ADAMTS17: variants seen among roughly 807,000 people sequenced by gnomAD.
The protein encoded by ADAMTS17 is ADAM metallopeptidase with thrombospondin type 1 motif 17.
Under a neutral mutation model 141.5 loss-of-function variants are expected in ADAMTS17, and 113 were observed. That is an observed-to-expected ratio of 0.80 (90% CI 0.69 to 0.93). The LOEUF (loss-of-function observed/expected upper bound fraction) is 0.93. Among genes scored for constraint, ADAMTS17 ranks in the 40% least tolerant of loss-of-function variants. The probability of loss-of-function intolerance (pLI) is 0.00; values close to 1 mark genes in which losing one functional copy is unlikely to be tolerated. For synonymous variants in ADAMTS17, 768 were observed against 630.6 expected, an observed-to-expected ratio of 1.22 and a Z score of -3.27; for missense variants, 1,659 against 1,517.9, an observed-to-expected ratio of 1.09 and a Z score of -1.54.
intron 10 of ADAMTS17, among the ~76,000 whole-genome samples, chr15:100,143,343 G>A (rs1184677390): frequency 6.6e-6 from 1 of 152,216 alleles, no homozygotes; most frequent in East Asian, 1.9e-4. Context: ...GCTTGAAAGT[G>A]TTGTTAAATA....
At position 99,997,187 on chromosome 15, in the gene ADAMTS17, A is replaced by G. The variant is rs1237247488; in HGVS notation, c.2796+198T>C. On this transcript the variant is annotated intron_variant, in intron 19 of 21. Coordinates refer to ENST00000268070, the MANE Select transcript of ADAMTS17 (RefSeq NM_139057.4). This position sits in a 1 kb window ranked among gnomAD's most constrained non-coding sequence, Gnocchi z 4.7. ...CCTTCACTGTGGTGTTGACATGTAC[A>G]TCATCAGAGACATGGTATCTATGTT... is the stretch of plus-strand genomic sequence containing the variant. Among the ~76,000 whole-genome samples, 1 of 152,258 alleles carries G rather than the reference A, an allele frequency of 6.6e-6. No homozygotes were observed. The highest frequency in any genetic ancestry group is 1.9e-4 in the East Asian group (1 of 5,200).
At chr15:100,008,704 TG>T (rs1259548945) in intron 18 of ADAMTS17, among the ~76,000 whole-genome samples, 2 of 152,324 alleles carry the variant, frequency 1.3e-5, no homozygotes, top group Admixed American at 1.3e-4. Flanking sequence ...GAAAGCGAGA[TG>T]GATCAGAGTT....
At chr15:100,337,563 T>C (rs1303006181) in intron 2 of ADAMTS17, among the ~76,000 whole-genome samples, 1 of 152,230 alleles carries the variant, frequency 6.6e-6, no homozygotes, top group Non-Finnish European at 1.5e-5. Flanking sequence ...CCAGAGCTCC[T>C]TGGTGGTCTG....
At chr15:100,285,227 G>C (rs1454432942) in intron 3 of ADAMTS17, among the ~76,000 whole-genome samples, 4 of 152,078 alleles carry the variant, frequency 2.6e-5, no homozygotes, top group African/African-American at 4.8e-5. Context: ...AATCCTTCTG[G>C]AACAAGATGA....
At chr15:100,261,729 T>G (rs991448228) in intron 5 of ADAMTS17, 93 bp from the exon 6 acceptor site, 5 of 1,399,302 alleles carry the variant, frequency 3.6e-6, no homozygotes, top group African/African-American at 2.9e-5. Flanking sequence ...GTGGAGGCAG[T>G]CACTCACTGA....
At position 100,341,156 on chromosome 15, in the gene ADAMTS17, C is replaced by T; in HGVS notation, c.333G>A (p.Glu111=). 1.4e-6 allele frequency: 2 copies of T among 1,458,186 alleles called. No homozygotes were observed. The highest frequency in any genetic ancestry group is 1.5e-5 in the African/African-American group (1 of 67,122). 90.3% of individuals were successfully genotyped at this position (1,458,186 alleles called of 1,614,324 possible). ...GGCCGCGGCGCCGGGCCGCGCCCGC[C>T]TCCTCCACCTCGAAGCCTCGGGACA... The part of the protein sequence containing the change: ...RFLSRGFEVE[E]AGAARRRGRP... The change falls in exon 2 of 22, where the codon GAG becomes GAA. Residue 111 remains glutamate (E), a synonymous_variant. Coordinates refer to ENST00000268070, the MANE Select transcript of ADAMTS17 (RefSeq NM_139057.4).
chr15:100,327,161 G>A (rs2045925408), intron 3 of ADAMTS17, among the ~76,000 whole-genome samples: 1 of 152,112 alleles, frequency 6.6e-6, no homozygotes, highest in African/African-American at 2.4e-5. Context: ...AGGCATAATT[G>A]GTACAAAGCA....
chr15:100,338,203 T>C (rs2046261837), intron 2 of ADAMTS17, among the ~76,000 whole-genome samples: 1 of 152,152 alleles, frequency 6.6e-6, no homozygotes, highest in Admixed American at 6.5e-5. Context: ...CTCTATCTGC[T>C]GTCAAAAGGA....
intron 15 of ADAMTS17, among the ~76,000 whole-genome samples, chr15:100,073,257 G>T (rs539128923): frequency 6.6e-6 from 1 of 152,236 alleles, no homozygotes; most frequent in East Asian, 1.9e-4. Context: ...AAAAAGTCAG[G>T]AAACAACAGG....
intron 4 of ADAMTS17, among the ~76,000 whole-genome samples, chr15:100,270,226 T>A (rs1190348423): frequency 6.6e-6 from 1 of 152,188 alleles, no homozygotes; most frequent in Non-Finnish European, 1.5e-5. Flanking sequence ...AGGGTGTGGA[T>A]GAGAAGCCAT....
Position 99,993,236 on chromosome 15 carries a change from A to C in ADAMTS17, c.2797-36T>G, listed in dbSNP as rs1567652693. ...CCATTCAAATATTTAACCGAGTTCCAATTCGATTCAAGTCCATCAACAGCT... is the reference window on the plus strand; with the variant it reads ...CCATTCAAATATTTAACCGAGTTCCCATTCGATTCAAGTCCATCAACAGCT... On this transcript the variant is annotated intron_variant, in intron 19 of 21. Coordinates refer to ENST00000268070, the MANE Select transcript of ADAMTS17 (RefSeq NM_139057.4). The surrounding 1 kb of genome is among the most constrained non-coding windows in gnomAD (Gnocchi z 4.3). The C allele has an allele frequency of 2.5e-6, 4 of 1,613,658 alleles. No individual in the cohort carries two copies. In the South Asian group the frequency reaches 4.4e-5, roughly 18 times the overall value.
intron 13 of ADAMTS17, among the ~76,000 whole-genome samples, chr15:100,115,123 G>T (rs541899778): frequency 1.3e-5 from 2 of 152,264 alleles, no homozygotes; most frequent in South Asian, 2.1e-4. Context: ...GGCATGCCGG[G>T]GAAAGCTGAA....
intron 7 of ADAMTS17, among the ~76,000 whole-genome samples, chr15:100,243,803 A>G (rs1405736625): frequency 5.9e-4 from 79 of 134,724 alleles, no homozygotes; most frequent in East Asian, 3.2e-3. Context: ...AAAAAAAAAA[A>G]GAAAGAAAAG....
Position 100,147,827 on chromosome 15 carries a change from T to C in ADAMTS17, c.1473+4785A>G, listed in dbSNP as rs184756167. ...CCTATTGCTGCTACTACAAACTTAG[T>C]GGCTTAAAACAACACAATTCTCTTA... is the stretch of plus-strand genomic sequence containing the variant. On this transcript the variant is annotated intron_variant, in intron 10 of 21. Transcript: ENST00000268070. 2.3e-3 allele frequency among the ~76,000 whole-genome samples: 351 copies of C among 152,364 alleles called. 1 individual carries two copies. The highest frequency in any genetic ancestry group is 7.9e-3 in the African/African-American group (330 of 41,586).
intron 8 of ADAMTS17, among the ~76,000 whole-genome samples, chr15:100,167,867 T>C (rs188407805): frequency 3.3e-5 from 5 of 152,212 alleles, no homozygotes; most frequent in Non-Finnish European, 7.3e-5. Flanking sequence ...ATGAAAGCAC[T>C]GAGCTCTTTT....
chr15:100,243,828 T>TG (rs1282488701), intron 7 of ADAMTS17, among the ~76,000 whole-genome samples: 2 of 74,052 alleles, frequency 2.7e-5, no homozygotes, highest in Admixed American at 2.6e-4. Flanking sequence ...AGAAATGAAA[T>TG]GAAACAAAAC....
intron 17 of ADAMTS17, among the ~76,000 whole-genome samples, chr15:100,051,057 G>A (rs753987755): frequency 6.6e-6 from 1 of 152,238 alleles, no homozygotes; most frequent in African/African-American, 2.4e-5. Context: ...ATGGGGTAGA[G>A]AGAGGAAGTC....
chr15:100,229,476 C>A (rs569019823), intron 7 of ADAMTS17, among the ~76,000 whole-genome samples: 4 of 152,178 alleles, frequency 2.6e-5, no homozygotes, highest in Non-Finnish European at 5.9e-5. Flanking sequence ...TGTTCTATGA[C>A]GCACAGTGGT....
At chr15:100,341,719 G>T in intron 1 of ADAMTS17, 102 bp downstream of exon 1, 1 of 1,413,854 alleles carries the variant, frequency 7.1e-7, no homozygotes, top group Non-Finnish European at 9.3e-7. Context: ...GGCGCCGTCA[G>T]CGGTCCCGCC....
Sources: gnomAD v4.1 joint callset for allele counts (sites outside exome capture counted in the v4.1 genomes callset) on GRCh38, gnomAD v4.1.1 for gene constraint, Gnocchi (gnomAD v3.1) non-coding constraint, MANE v1.5 for transcripts, NCBI Gene and HGNC (gene_info 2026-07-23, HGNC 2026-07-21) for gene names.